Variants in TENM2 observed in about 807,000 individuals in gnomAD.
The protein encoded by TENM2 is teneurin transmembrane protein 2, also known as teneurin-2.
TENM2 carries 52 observed loss-of-function variants against 245.2 expected under a neutral mutation model. The ratio of observed to expected loss-of-function variants is 0.21; its 90% CI spans 0.17 to 0.27. The LOEUF (loss-of-function observed/expected upper bound fraction) is 0.27, where lower values mean the gene tolerates loss of function less well. TENM2 is among the 10% of genes least tolerant of loss of function. TENM2 has a pLI of 1.00. For missense variants in TENM2, 3,046 were observed against 3,666.8 expected (o/e 0.83, Z 4.37); for synonymous variants, 1,363 against 1,438.9 (o/e 0.95, Z 1.19).
At chr5:167,468,718 T>G (rs1374095195) in intron 2 of TENM2, among the ~76,000 whole-genome samples, 1 of 152,212 alleles carries the variant, frequency 6.6e-6, no homozygotes, top group Admixed American at 6.5e-5. Flanking sequence ...TGATACCACT[T>G]TCTCTCTTAG....
intron 2 of TENM2, among the ~76,000 whole-genome samples, chr5:167,501,422 C>A (rs901800627): frequency 6.6e-6 from 1 of 152,124 alleles, no homozygotes; most frequent in African/African-American, 2.4e-5. Flanking sequence ...AGAAGGCACC[C>A]AACAAGACAC....
intron 2 of TENM2, among the ~76,000 whole-genome samples, chr5:167,803,587 T>A (rs1275485605): frequency 1.3e-5 from 2 of 152,082 alleles, no homozygotes; most frequent in Non-Finnish European, 2.9e-5. Context: ...AGGACACAGA[T>A]CTGATACTTC....
At chr5:167,569,469 A>G (rs1285334735) in intron 2 of TENM2, among the ~76,000 whole-genome samples, 1 of 152,196 alleles carries the variant, frequency 6.6e-6, no homozygotes, top group East Asian at 1.9e-4. Flanking sequence ...CCAATGTGGC[A>G]TAAGCTAAGT....
intron 3 of TENM2, among the ~76,000 whole-genome samples, chr5:167,905,361 A>G (rs1455719724): frequency 1.3e-5 from 2 of 152,162 alleles, no homozygotes; most frequent in African/African-American, 4.8e-5. Flanking sequence ...TTGGGATGGG[A>G]GTTTAGACCT....
chr5:167,720,475 C>A (rs925428050), intron 2 of TENM2, among the ~76,000 whole-genome samples: 6 of 152,068 alleles, frequency 3.9e-5, no homozygotes, highest in African/African-American at 1.4e-4. Context: ...ATCAATATGC[C>A]GGGATGCTAA....
the TENM2 span, among the ~76,000 whole-genome samples, chr5:167,226,808 GATTT>G: frequency 6.6e-6 from 1 of 152,028 alleles, no homozygotes. Flanking sequence ...TTTGCAGTGA[GATTT>G]ATTTCTTTCT....
chr5:167,757,835 A>G lies in TENM2; in HGVS notation c.503-118151A>G, dbSNP rs369625437. ...TGTGGTTTTGATTTGCATTTCTCTA[A>G]TCTCATATACCCTTTCTTTTGCTTC... is the stretch of plus-strand genomic sequence containing the variant. On this transcript the variant is annotated intron_variant, in intron 2 of 28. Coordinates refer to ENST00000518659, the Ensembl canonical transcript of TENM2. Among the ~76,000 whole-genome samples the G allele has an allele frequency of 2.5e-4, 38 of 152,298 alleles. 1 individual carries two copies. The East Asian group carries it at 2.7e-3, about 11-fold the overall frequency.
At chr5:167,168,893 G>C in the TENM2 span, among the ~76,000 whole-genome samples, 1 of 152,118 alleles carries the variant, frequency 6.6e-6, no homozygotes, top group South Asian at 2.1e-4. Context: ...CCAAGTAGCT[G>C]GGACTACAGG....
intron 12 of TENM2, among the ~76,000 whole-genome samples, chr5:168,161,621 T>G (rs936878146): frequency 2.0e-5 from 3 of 152,184 alleles, no homozygotes; most frequent in African/African-American, 7.2e-5. Context: ...CTACCTGTTA[T>G]AAAGAGTCAC....
intron 3 of TENM2, among the ~76,000 whole-genome samples, chr5:167,938,362 A>G (rs1449651538): frequency 1.3e-5 from 2 of 152,196 alleles, no homozygotes; most frequent in African/African-American, 4.8e-5. Context: ...GTTTAACAAT[A>G]TGCCTCTGTG....
At chr5:167,855,895 G>GAGGT (rs1455678505) in intron 2 of TENM2, among the ~76,000 whole-genome samples, 6 of 123,678 alleles carry the variant, frequency 4.9e-5, no homozygotes, top group Admixed American at 4.8e-4. Context: ...GGGAAGGAGG[G>GAGGT]AGGGAGGGAG....
intron 2 of TENM2, among the ~76,000 whole-genome samples, chr5:167,847,087 G>A (rs190154877): frequency 5.7e-4 from 87 of 152,276 alleles, no homozygotes; most frequent in African/African-American, 2.0e-3. Flanking sequence ...TTCCCAAGTG[G>A]CTACGAGTAT....
In TENM2 at chr5:168,218,865, C is replaced by T. The variant is rs779677833; in HGVS notation, c.4974C>T (p.Thr1658=). 1 of 1,613,986 alleles carries T rather than the reference C, an allele frequency of 6.2e-7. No individual in the cohort carries two copies. The highest frequency in any genetic ancestry group is 1.1e-5 in the South Asian group (1 of 91,074). Residue 1658 remains threonine, a synonymous_variant, in exon 23 of 29, where the codon ACC becomes ACT. Transcript: ENST00000518659. The surrounding 1 kb of genome is among the most constrained non-coding windows in gnomAD (Gnocchi z 5.2). ...TCATGCCTGACAACCAGATCATCACCCTCACCGTGGGCACCAATGGAGGCC... is the reference window on the plus strand; with the variant it reads ...TCATGCCTGACAACCAGATCATCACTCTCACCGTGGGCACCAATGGAGGCC...
rs1412950962 is a variant in TENM2 at position 167,452,940 on chromosome 5, TATA to T, written c.502+77468_502+77470del. Among the ~76,000 whole-genome samples, 4 of 5,326 alleles carry T rather than the reference TATA, an allele frequency of 7.5e-4. 1 individual carries two copies. The highest frequency in any genetic ancestry group is 1.2e-3 in the African/African-American group (4 of 3,470). The allele number at this position is 5,326 out of a possible 152,430, so 3.5% of individuals were successfully genotyped here. A position where few individuals can be genotyped will look rare whatever the true frequency, so the allele number is the denominator to read the frequency against. ...GAACTTAAAGTATGATTTATATATA[TATA>T]TATATATATATATATATATTTAAAA... On this transcript the variant is annotated intron_variant, in intron 2 of 28. Transcript: ENST00000518659.
intron 2 of TENM2, among the ~76,000 whole-genome samples, chr5:167,828,215 C>T (rs1333503685): frequency 1.3e-5 from 2 of 152,096 alleles, no homozygotes; most frequent in East Asian, 1.9e-4. Context: ...TGCCATAGGT[C>T]CTGCTGACTT....
At chr5:168,237,539 A>C (rs532013183) in intron 25 of TENM2, among the ~76,000 whole-genome samples, 1 of 152,082 alleles carries the variant, frequency 6.6e-6, no homozygotes, top group Non-Finnish European at 1.5e-5. Flanking sequence ...ATGAATGGTG[A>C]AGGTATGGTT....
intron 2 of TENM2, among the ~76,000 whole-genome samples, chr5:167,872,025 G>C (rs1772869774): frequency 6.6e-6 from 1 of 152,064 alleles, no homozygotes; most frequent in Non-Finnish European, 1.5e-5. Context: ...CTGGCATGAT[G>C]GTTCATGCCT....
At chr5:167,745,910 C>T (rs1401975542) in intron 2 of TENM2, among the ~76,000 whole-genome samples, 3 of 152,118 alleles carry the variant, frequency 2.0e-5, no homozygotes, top group Non-Finnish European at 2.9e-5. Context: ...GGATTGTTTC[C>T]AATTTGGGGC....
At chr5:167,292,444 C>A (rs1754692782) in intron 1 of TENM2, among the ~76,000 whole-genome samples, 1 of 152,164 alleles carries the variant, frequency 6.6e-6, no homozygotes, top group South Asian at 2.1e-4. Flanking sequence ...ATTCCTGCTT[C>A]ATTTATCTCA....
Sources: gnomAD v4.1 joint callset for allele counts (sites outside exome capture counted in the v4.1 genomes callset) on GRCh38, gnomAD v4.1.1 for gene constraint, Gnocchi (gnomAD v3.1) non-coding constraint, MANE v1.5 for transcripts, NCBI Gene and HGNC (gene_info 2026-07-23, HGNC 2026-07-21) for gene names.